AMHR2: variants seen among roughly 807,000 people sequenced by gnomAD.
The protein encoded by AMHR2 is anti-Muellerian hormone type-2 receptor.
A neutral mutation model predicts 61.4 loss-of-function variants in AMHR2; 36 were observed. The ratio of observed to expected loss-of-function variants is 0.59; its 90% CI spans 0.45 to 0.77. AMHR2 has a LOEUF of 0.77. AMHR2 is among the 30% of genes least tolerant of loss of function. The pLI is 0.00. For missense variants in AMHR2, 638 were observed against 714.6 expected (o/e 0.89, Z 1.22); for synonymous variants, 258 against 279.4 (o/e 0.92, Z 0.76).
rs1939992294 is a variant in AMHR2, at chr12:53,430,176, A to G, written c.1319A>G (p.Tyr440Cys). ...DSSPPPFQLA[Y>C]EAELGNTPTS... is the part of the protein sequence containing the mutation. Reference sequence around the variant, plus strand: ...AGTCCACCACCCTTCCAACTGGCCTATGAGGCAGAACTGGGCAATACCCCT... The same window carrying G: ...AGTCCACCACCCTTCCAACTGGCCTGTGAGGCAGAACTGGGCAATACCCCT... The change falls in exon 10 of 11, where the codon TAT becomes TGT. Residue 440 changes from tyrosine (Y) to cysteine (C), a missense_variant. Transcript: ENST00000257863. 2 of 1,614,146 alleles carry G rather than the reference A, an allele frequency of 1.2e-6. No homozygotes were observed.
At chr12:53,425,002 TCC>T (rs1939426155) in intron 3 of AMHR2, 102 bp downstream of exon 3, 1 of 1,556,658 alleles carries the variant, frequency 6.4e-7, no homozygotes, top group Non-Finnish European at 8.8e-7. Flanking sequence ...CCCCACGCTT[TCC>T]TCCTCCTGGC....
intron 10 of AMHR2, 56 bp from the exon 11 acceptor site, chr12:53,431,121 C>A: frequency 6.2e-7 from 1 of 1,602,644 alleles, no homozygotes; most frequent in Non-Finnish European, 8.5e-7. Flanking sequence ...GGCTTTTAAC[C>A]CTGGGGCCCA....
Position 53,428,998 on chromosome 12 carries a change from C to T in AMHR2, c.955C>T (p.Arg319Cys), listed in dbSNP as rs1215023004. 22 of 1,550,868 alleles carry T rather than the reference C, an allele frequency of 1.4e-5. No homozygotes were observed. Among genetic ancestry groups the T allele is most frequent in the Middle Eastern group, 1.7e-4 (1 of 5,852 alleles). Residue 319 changes from arginine to cysteine, a missense_variant, in exon 7 of 11, where the codon CGC becomes TGC. Arg to Cys is a radical substitution (Grantham distance 180). Transcript: ENST00000257863. ...GGGCCTGGCATTTCTCCATGAGGAG[C>T]GCTGGCAGAATGGTGGGTGAGCTGG... ...AQGLAFLHEE[R>C]WQNGQYKPGI...
Position 53,424,460 on chromosome 12 carries a change from G to A in AMHR2, c.222G>A (p.Val74=), listed in dbSNP as rs759741598. ...ACCTGACCCAAGACCGGGCACAGGT[G>A]GAAATGCAAGGTGAATGGCAAAGTA... ...IWNLTQDRAQ[V]EMQGCRDSDE... is the part of the protein sequence containing the mutation. The change falls in exon 2 of 11, where the codon GTG becomes GTA. Residue 74 remains valine (V), a synonymous_variant. Transcript: ENST00000257863. 1 of 1,612,914 alleles carries A rather than the reference G, an allele frequency of 6.2e-7. No individual in the cohort carries two copies. Among genetic ancestry groups the A allele is most frequent in the Admixed American group, 1.7e-5 (1 of 59,664 alleles).
At chr12:53,426,793 CT>C (rs1939636485) in intron 6 of AMHR2, among the ~76,000 whole-genome samples, 1 of 151,842 alleles carries the variant, frequency 6.6e-6, no homozygotes, top group Non-Finnish European at 1.5e-5. Context: ...AGCGATTCTC[CT>C]CCCTCAGCCT....
intron 10 of AMHR2, 26 bp downstream of exon 10, chr12:53,430,308 G>A: frequency 6.2e-7 from 1 of 1,614,096 alleles, no homozygotes; most frequent in Non-Finnish European, 8.5e-7. Flanking sequence ...TGTTGGTCTG[G>A]GAACCTGGAG....
Position 53,429,502 on chromosome 12 carries a change from G to C in AMHR2, c.1017G>C (p.Val339=), listed in dbSNP as rs1231406141. The part of the protein sequence containing the change: ...IAHRDLSSQN[V]LIREDGSCAI... ...ACCGAGATCTGAGCAGCCAGAATGTGCTCATTCGGGAAGATGGATCGTGTG... is the reference window on the plus strand; with the variant it reads ...ACCGAGATCTGAGCAGCCAGAATGTCCTCATTCGGGAAGATGGATCGTGTG... Residue 339 remains valine (V), a synonymous_variant, in exon 8 of 11, where the codon GTG becomes GTC. Transcript: ENST00000257863. The C allele has an allele frequency of 1.9e-6, 3 of 1,613,652 alleles. No homozygotes were observed. Among genetic ancestry groups the C allele is most frequent in the African/African-American group, 1.3e-5 (1 of 74,788 alleles).
At chr12:53,426,811 T>G (rs1939637554) in intron 6 of AMHR2, among the ~76,000 whole-genome samples, 1 of 151,668 alleles carries the variant, frequency 6.6e-6, no homozygotes, top group Admixed American at 6.6e-5. Flanking sequence ...GCCTCCCCAG[T>G]AGCTGGGATT....
rs191154571 is a variant in AMHR2, at chr12:53,424,288, C to A, written c.50C>A (p.Ala17Glu). The stretch of plus-strand genomic sequence containing the variant: ...TTCCTTTCCCCACCCTGGGCCTCAG[C>A]ACCCCCAAACAGGCGAACCTGTGTG... Reference protein sequence around the residue: ...LWALLPTAVEAPPNRRTCVFF... With the variant: ...LWALLPTAVEEPPNRRTCVFF... Residue 17 changes from alanine to glutamate, a missense_variant and splice_region_variant, in exon 2 of 11, where the codon GCA becomes GAA. By Grantham distance (107) the Ala-to-Glu change is moderately radical (BLOSUM62 -1). Transcript: ENST00000257863. 9.3e-6 allele frequency: 15 copies of A among 1,612,428 alleles called. No individual in the cohort carries two copies. In the East Asian group the frequency reaches 3.1e-4, roughly 34 times the overall value.
At chr12:53,424,236 T>C in intron 1 of AMHR2, 52 bp from the exon 2 acceptor site, 1 of 1,609,710 alleles carries the variant, frequency 6.2e-7, no homozygotes, top group Non-Finnish European at 8.5e-7. Flanking sequence ...GTTTTTTGCC[T>C]CTGCATTCAC....
chr12:53,426,661 A>C (rs1003818376), intron 6 of AMHR2, among the ~76,000 whole-genome samples: 2 of 151,904 alleles, frequency 1.3e-5, no homozygotes, highest in Non-Finnish European at 2.9e-5. Flanking sequence ...TTATTACATA[A>C]ACAATACATG....
Position 53,430,292 on chromosome 12 carries a change from C to T in AMHR2, c.1425+10C>T. ...GCGCTGCTTTGCCACAGTAAGAGGC[C>T]TAGGCTGTTGGTCTGGGAACCTGGA... On this transcript the variant is annotated intron_variant, in intron 10 of 10. Transcript: ENST00000257863. 1.2e-6 allele frequency: 2 copies of T among 1,614,166 alleles called. No individual in the cohort carries two copies. The highest frequency in any genetic ancestry group is 1.7e-6 in the Non-Finnish European group (2 of 1,180,020).
intron 6 of AMHR2, among the ~76,000 whole-genome samples, chr12:53,427,110 A>T (rs1209701378): frequency 3.9e-5 from 6 of 152,206 alleles, no homozygotes; most frequent in Admixed American, 3.9e-4. Flanking sequence ...CAAAAAACAC[A>T]CAGTCCCTCT....
rs1019396968 is a variant in AMHR2, at chr12:53,424,325, C to A, written c.87C>A (p.Ala29=). 9 of 1,612,756 alleles carry A rather than the reference C, an allele frequency of 5.6e-6. No homozygotes were observed. The highest frequency in any genetic ancestry group is 7.6e-6 in the Non-Finnish European group (9 of 1,180,036). ...PNRRTCVFFE[A]PGVRGSTKTL... ...GGCGAACCTGTGTGTTCTTTGAGGC[C>A]CCTGGAGTGCGGGGAAGCACAAAGA... Residue 29 remains alanine (A), a synonymous_variant, in exon 2 of 11, where the codon GCC becomes GCA. Coordinates refer to ENST00000257863, the MANE Select transcript of AMHR2 (RefSeq NM_020547.3).
chr12:53,429,162 G>A, intron 7 of AMHR2, 152 bp downstream of exon 7: 1 of 799,014 alleles, frequency 1.3e-6, no homozygotes, highest in Non-Finnish European at 2.1e-6. Context: ...GGAGGCCGAG[G>A]TGGGCGGATC....
Position 53,429,591 on chromosome 12 carries a change from C to G in AMHR2, c.1106C>G (p.Pro369Arg). ...PGLTQPPAWTPTQPQGPAAIM... is the reference protein window; with the variant it reads ...PGLTQPPAWTRTQPQGPAAIM... ...CTCACTCAGCCCCCTGCCTGGACCC[C>G]TACTCAACCACAAGGCCCAGCTGCC... is the stretch of plus-strand genomic sequence containing the variant. The change falls in exon 8 of 11, where the codon CCT (proline) becomes CGT (arginine). Residue 369 changes from proline to arginine, a missense_variant. Transcript: ENST00000257863. 11 of 1,614,142 alleles carry G rather than the reference C, an allele frequency of 6.8e-6. No individual in the cohort carries two copies. The highest frequency in any genetic ancestry group is 8.5e-6 in the Non-Finnish European group (10 of 1,180,020).
rs778214960 is a variant in AMHR2 at position 53,428,896 on chromosome 12, G to A, written c.853G>A (p.Gly285Ser). 2 of 1,550,440 alleles carry A rather than the reference G, an allele frequency of 1.3e-6. No individual in the cohort carries two copies. ...TCCTTTTCTCTCTGCGTTTCCCCAG[G>A]GCTCCCTGTGCCACTACTTGACCCA... Reference protein sequence around the residue: ...PLLVLELHPKGSLCHYLTQYT... With the variant: ...PLLVLELHPKSSLCHYLTQYT... The change falls in exon 7 of 11, where the codon GGC becomes AGC. Residue 285 changes from glycine to serine, a missense_variant and splice_region_variant. Coordinates refer to ENST00000257863, the MANE Select transcript of AMHR2 (RefSeq NM_020547.3).
In AMHR2 at chr12:53,423,911, C is replaced by A. The variant is rs760380363; in HGVS notation, c.-24C>A. The A allele has an allele frequency of 3.7e-6, 6 of 1,613,840 alleles. No individual in the cohort carries two copies. In the Admixed American group the frequency reaches 1.0e-4, roughly 27 times the overall value. On this transcript the variant is annotated 5_prime_UTR_variant, in exon 1 of 11. It adds an upstream start codon to the 5' untranslated region. Transcript: ENST00000257863. ...TGTGCTGGCTTATGCTCTTCTCCTT[C>A]TGCTGCTGCCATCCTCCAGCAAGAT...
intron 6 of AMHR2, among the ~76,000 whole-genome samples, chr12:53,426,324 T>C (rs1004411422): frequency 2.0e-5 from 3 of 151,280 alleles, no homozygotes; most frequent in African/African-American, 7.3e-5. Context: ...AGCGAGACCA[T>C]GTGAAAAAAT....
Sources: gnomAD v4.1 joint callset for allele counts (sites outside exome capture counted in the v4.1 genomes callset) on GRCh38, gnomAD v4.1.1 for gene constraint, MANE v1.5 for transcripts, NCBI Gene and HGNC (gene_info 2026-07-23, HGNC 2026-07-21) for gene names.